The following ATXN2 variants were observed in gnomAD, a reference collection of about 807,000 sequenced individuals.
ATXN2 encodes ataxin 2, also known as ataxin-2.
A neutral mutation model predicts 138.6 loss-of-function variants in ATXN2; 37 were observed. That is an observed-to-expected ratio of 0.27 (90% CI 0.21 to 0.35). The LOEUF is 0.35. Among genes scored for constraint, ATXN2 ranks in the 10% least tolerant of loss-of-function variants. The pLI is 1.00. For missense variants in ATXN2, 1,216 were observed against 1,480.3 expected (o/e 0.82, Z 2.93); for synonymous variants, 549 against 543.7 (o/e 1.01, Z -0.13).
chr12:111,500,851 G>A (rs970479133), intron 14 of ATXN2, among the ~76,000 whole-genome samples: 1 of 152,100 alleles, frequency 6.6e-6, no homozygotes, highest in Non-Finnish European at 1.5e-5. Flanking sequence ...CCAGCCTGGC[G>A]ACAGAGTGAG....
intron 21 of ATXN2, among the ~76,000 whole-genome samples, chr12:111,462,957 CACAT>C (rs897316933): frequency 7.4e-6 from 1 of 134,836 alleles, no homozygotes; most frequent in African/African-American, 3.6e-5. Flanking sequence ...TATATATACA[CACAT>C]ACATATATAT....
At chr12:111,529,595 T>C (rs1880699665) in intron 5 of ATXN2, among the ~76,000 whole-genome samples, 1 of 152,194 alleles carries the variant, frequency 6.6e-6, no homozygotes, top group African/African-American at 2.4e-5. Context: ...GGCAGAAACT[T>C]AGTCATTTTG....
At chr12:111,543,533 A>T (rs1213208572) in intron 5 of ATXN2, among the ~76,000 whole-genome samples, 1 of 152,152 alleles carries the variant, frequency 6.6e-6, no homozygotes, top group Non-Finnish European at 1.5e-5. Context: ...TTCTGGGTTC[A>T]AATGATTCTC....
chr12:111,482,141 C>T (rs1166639013), intron 18 of ATXN2, among the ~76,000 whole-genome samples: 1 of 151,104 alleles, frequency 6.6e-6, no homozygotes. Flanking sequence ...CACTTGAGGC[C>T]AGGAGTTCAA....
rs1453928676 is a variant in ATXN2, at chr12:111,552,307, C to T, written c.544G>A (p.Asp182Asn). The T allele has an allele frequency of 1.9e-6, 3 of 1,610,124 alleles. No individual in the cohort carries two copies. Among genetic ancestry groups the T allele is most frequent in the Non-Finnish European group, 2.5e-6 (3 of 1,178,650 alleles). Residue 182 changes from aspartate to asparagine, a missense_variant, in exon 5 of 25, where the codon GAT becomes AAT. Physicochemically the swap from Asp to Asn is conservative, Grantham distance 23. Around this residue, in one of 4 missense-constraint regions of ATXN2, gnomAD observed 401 missense variants for 528.1 expected, o/e 0.76. Coordinates refer to ENST00000673436, the MANE Select transcript of ATXN2 (RefSeq NM_001372574.1). This position sits in a 1 kb window ranked among gnomAD's most constrained non-coding sequence, Gnocchi z 4.1. ...CSDFVVVQFKDMDSSYAKRDA... is the reference protein window; with the variant it reads ...CSDFVVVQFKNMDSSYAKRDA... Reference sequence around the variant, plus strand: ...CTTTTTGCATAACTGGAGTCCATATCTTTAAACTGTACCACAACAAAGTCT... The same window carrying T: ...CTTTTTGCATAACTGGAGTCCATATTTTTAAACTGTACCACAACAAAGTCT...
chr12:111,597,540 T>A (rs188610272), intron 1 of ATXN2, among the ~76,000 whole-genome samples: 1 of 152,172 alleles, frequency 6.6e-6, no homozygotes. Context: ...CACAATGGAA[T>A]GGAGTCTATT....
At chr12:111,559,778 AAAAAAAAAAAAACTAC>A (rs1882576380) in intron 1 of ATXN2, among the ~76,000 whole-genome samples, 1 of 113,474 alleles carries the variant, frequency 8.8e-6, no homozygotes, top group Non-Finnish European at 1.6e-5. Flanking sequence ...CTCAAAAAAC[AAAAAAAAAAAAACTAC>A]AAAAAAAAAA....
chr12:111,514,872 T>A (rs1012742681), intron 10 of ATXN2, among the ~76,000 whole-genome samples: 1 of 152,128 alleles, frequency 6.6e-6, no homozygotes, highest in Non-Finnish European at 1.5e-5. Context: ...ATATTCAACA[T>A]CTCTGAATGA....
intron 5 of ATXN2, among the ~76,000 whole-genome samples, chr12:111,548,115 C>T (rs1463523951): frequency 6.6e-6 from 1 of 152,030 alleles, no homozygotes; most frequent in Non-Finnish European, 1.5e-5. Flanking sequence ...ACTGCTTGAA[C>T]CCAGGAGGTG....
chr12:111,477,277 T>C (rs1876891084), intron 18 of ATXN2, among the ~76,000 whole-genome samples: 1 of 151,246 alleles, frequency 6.6e-6, no homozygotes, highest in South Asian at 2.1e-4. Context: ...CGCTTGACCC[T>C]GGGAAGTGGA....
intron 1 of ATXN2, among the ~76,000 whole-genome samples, chr12:111,558,626 T>G (rs1882511478): frequency 6.6e-6 from 1 of 152,068 alleles, no homozygotes; most frequent in Non-Finnish European, 1.5e-5. Context: ...AGCAAAACCC[T>G]GTTTCTACAA....
intron 11 of ATXN2, 99 bp downstream of exon 11, chr12:111,513,258 A>G: frequency 7.4e-7 from 1 of 1,349,926 alleles, no homozygotes; most frequent in East Asian, 2.5e-5. Context: ...TTTAACATAT[A>G]CATACTTACA....
At chr12:111,593,671 G>A (rs1301768064) in intron 1 of ATXN2, among the ~76,000 whole-genome samples, 1 of 149,460 alleles carries the variant, frequency 6.7e-6, no homozygotes, top group African/African-American at 2.4e-5. Flanking sequence ...AACTTAAAAA[G>A]TTTATTTTCT....
intron 20 of ATXN2, among the ~76,000 whole-genome samples, chr12:111,467,637 G>GAACC (rs529374601): frequency 6.5e-4 from 99 of 152,274 alleles, no homozygotes; most frequent in African/African-American, 2.3e-3. Flanking sequence ...TGGCATGAAA[G>GAACC]AACCGGCTCT....
intron 7 of ATXN2, 101 bp from the exon 8 acceptor site, chr12:111,520,177 G>C: frequency 3.6e-6 from 5 of 1,383,558 alleles, no homozygotes; most frequent in Admixed American, 2.4e-5. Flanking sequence ...TTAGAATACT[G>C]GTAAAAACAG....
At chr12:111,530,826 A>C (rs1447257364) in intron 5 of ATXN2, among the ~76,000 whole-genome samples, 2 of 151,858 alleles carry the variant, frequency 1.3e-5, no homozygotes, top group African/African-American at 4.8e-5. Context: ...AAAAACAAAA[A>C]ACAAAAAAAT....
At chr12:111,541,988 AAACTCCCGTCCTCAAG>A (rs1881547015) in intron 5 of ATXN2, among the ~76,000 whole-genome samples, 1 of 147,260 alleles carries the variant, frequency 6.8e-6, no homozygotes. Context: ...GGCTGGTCTC[AAACTCCCGTCCTCAAG>A]TGATCGGCCC....
chr12:111,459,909 G>T (rs979321858), intron 21 of ATXN2, among the ~76,000 whole-genome samples: 10 of 151,204 alleles, frequency 6.6e-5, no homozygotes, highest in Admixed American at 4.0e-4. Context: ...TAGAGACGGG[G>T]TTTCACCATG....
chr12:111,557,235 A>G (rs1882442383), intron 1 of ATXN2, among the ~76,000 whole-genome samples: 1 of 152,264 alleles, frequency 6.6e-6, no homozygotes, highest in Non-Finnish European at 1.5e-5. Context: ...GAAAAGCACA[A>G]TTCAGATCCA....
Sources: gnomAD v4.1 joint callset for allele counts (sites outside exome capture counted in the v4.1 genomes callset) on GRCh38, gnomAD v4.1.1 for gene constraint, gnomAD v4.1.1 regional missense constraint, Gnocchi (gnomAD v3.1) non-coding constraint, MANE v1.5 for transcripts, NCBI Gene and HGNC (gene_info 2026-07-23, HGNC 2026-07-21) for gene names.